Variants in DPYD observed in about 807,000 individuals in gnomAD.
DPYD encodes dihydropyrimidine dehydrogenase [NADP(+)].
Under a neutral mutation model 116.2 loss-of-function variants are expected in DPYD, and 109 were observed. The ratio of observed to expected loss-of-function variants is 0.94; its 90% CI spans 0.80 to 1.10. DPYD has a LOEUF of 1.10. DPYD is among the 50% of genes least tolerant of loss of function. The pLI, the probability that DPYD is intolerant of heterozygous loss-of-function variation, is 0.00. For missense variants in DPYD, 1,302 were observed against 1,254.5 expected (o/e 1.04, Z -0.57); for synonymous variants, 440 against 432.0 (o/e 1.02, Z -0.23).
intron 5 of DPYD, 44 bp downstream of exon 5, chr1:97,721,466 A>G: frequency 2.5e-6 from 4 of 1,606,274 alleles, no homozygotes; most frequent in African/African-American, 1.3e-5. Flanking sequence ...ATATTTGTGC[A>G]TGGTGATGGT....
At chr1:97,704,780 T>C (rs1661822350) in intron 5 of DPYD, among the ~76,000 whole-genome samples, 1 of 152,006 alleles carries the variant, frequency 6.6e-6, no homozygotes, top group Admixed American at 6.6e-5. Context: ...AAATGTCAGT[T>C]GTCCATCAAC....
At position 97,382,401 on chromosome 1, in the gene DPYD, T is replaced by G; in HGVS notation, c.1966A>C (p.Lys656Gln). 1 of 1,594,728 alleles carries G rather than the reference T, an allele frequency of 6.3e-7. No individual in the cohort carries two copies. Among genetic ancestry groups the G allele is most frequent in the Non-Finnish European group, 8.6e-7 (1 of 1,168,698 alleles). Residue 656 changes from lysine (K) to glutamine (Q), a missense_variant, in exon 15 of 23, where the codon AAG (lysine) becomes CAG (glutamine). Coordinates refer to ENST00000370192, the MANE Select transcript of DPYD (RefSeq NM_000110.4). ...NKNDWTELAK[K>Q]SEDSGADALE... ...ACTAAAGTAACCATTACCTCAGACT[T>G]CTTGGCAAGTTCCGTCCAGTCATTT...
intron 7 of DPYD, among the ~76,000 whole-genome samples, chr1:97,679,822 C>T (rs1319672320): frequency 6.6e-6 from 1 of 152,068 alleles, no homozygotes; most frequent in African/African-American, 2.4e-5. Flanking sequence ...AACCTGCTGA[C>T]CAGGGAGGTG....
chr1:97,546,585 AC>A (rs1650884224), intron 12 of DPYD: 2 of 1,608,032 alleles, frequency 1.2e-6, no homozygotes, highest in East Asian at 2.2e-5. Flanking sequence ...CAAAAATAAC[AC>A]ATCCTGTGTA....
At chr1:97,173,469 A>ACATAATGTGTATATATATACACG (rs1657009090) in intron 20 of DPYD, among the ~76,000 whole-genome samples, 1 of 130,050 alleles carries the variant, frequency 7.7e-6, no homozygotes, top group African/African-American at 3.2e-5. Context: ...ATATATACAC[A>ACATAATGTGTATATATATACACG]CATAATGTGT....
chr1:97,222,795 A>G (rs181336151), intron 19 of DPYD, among the ~76,000 whole-genome samples: 2 of 152,248 alleles, frequency 1.3e-5, no homozygotes, highest in East Asian at 3.9e-4. Flanking sequence ...GAAATTGCAT[A>G]ATGGAAAGAA....
intron 3 of DPYD, among the ~76,000 whole-genome samples, chr1:97,821,955 C>T (rs761760507): frequency 6.6e-6 from 1 of 151,790 alleles, no homozygotes; most frequent in African/African-American, 2.4e-5. Flanking sequence ...AATTAATTTA[C>T]CTAAAATTAC....
chr1:97,191,487 G>A (rs1286632091), intron 20 of DPYD, among the ~76,000 whole-genome samples: 3 of 151,998 alleles, frequency 2.0e-5, no homozygotes, highest in Non-Finnish European at 2.9e-5. Flanking sequence ...TTACACTTAC[G>A]ATTTTGATGA....
chr1:97,238,437 T>G (rs531578793), intron 18 of DPYD, among the ~76,000 whole-genome samples: 4 of 152,276 alleles, frequency 2.6e-5, no homozygotes, highest in African/African-American at 9.6e-5. Context: ...TAAGAACGGT[T>G]TCTAGAAGGA....
At chr1:97,129,250 T>C (rs1570509414) in intron 20 of DPYD, among the ~76,000 whole-genome samples, 1 of 151,698 alleles carries the variant, frequency 6.6e-6, no homozygotes, top group South Asian at 2.1e-4. Flanking sequence ...TTTTTTAGTA[T>C]AGACAGGGTT....
At chr1:97,773,949 G>T (rs1037299594) in intron 3 of DPYD, among the ~76,000 whole-genome samples, 2 of 152,190 alleles carry the variant, frequency 1.3e-5, no homozygotes, top group African/African-American at 4.8e-5. Flanking sequence ...TAAGGCAGAA[G>T]GTCTAATTGG....
intron 20 of DPYD, among the ~76,000 whole-genome samples, chr1:97,167,783 T>G (rs1656433591): frequency 6.6e-6 from 1 of 152,178 alleles, no homozygotes; most frequent in African/African-American, 2.4e-5. Flanking sequence ...AATAATTCAC[T>G]TAGTAAAGTA....
chr1:97,289,572 A>G (rs1295297587), intron 18 of DPYD, among the ~76,000 whole-genome samples: 30 of 151,956 alleles, frequency 2.0e-4, no homozygotes, highest in African/African-American at 7.2e-4. Flanking sequence ...TATAAACAGA[A>G]CCAAAGACAA....
At chr1:97,352,651 T>A (rs928337018) in intron 16 of DPYD, among the ~76,000 whole-genome samples, 1 of 152,100 alleles carries the variant, frequency 6.6e-6, no homozygotes, top group African/African-American at 2.4e-5. Flanking sequence ...AAAACTACTC[T>A]GGTTGTTTGA....
chr1:97,322,127 T>A (rs1668321815), intron 16 of DPYD, among the ~76,000 whole-genome samples: 1 of 138,540 alleles, frequency 7.2e-6, no homozygotes, highest in African/African-American at 2.7e-5. Context: ...GAGATATACC[T>A]AATGCTAGAT....
At chr1:97,631,505 C>A (rs1028157456) in intron 8 of DPYD, among the ~76,000 whole-genome samples, 6 of 151,884 alleles carry the variant, frequency 4.0e-5, no homozygotes, top group African/African-American at 7.3e-5. Context: ...TATGTGAACC[C>A]AATCTGAGAA....
intron 1 of DPYD, among the ~76,000 whole-genome samples, chr1:97,893,237 T>C (rs1210638169): frequency 1.3e-5 from 2 of 150,672 alleles, no homozygotes; most frequent in East Asian, 2.0e-4. Context: ...ATAAATAAGG[T>C]AGTACAAAAA....
intron 7 of DPYD, among the ~76,000 whole-genome samples, chr1:97,684,337 G>T (rs1024919793): frequency 3.3e-5 from 5 of 152,080 alleles, no homozygotes; most frequent in African/African-American, 1.2e-4. Context: ...CAATTGCGTG[G>T]TTCTGAGTGA....
chr1:97,659,296 A>G (rs553838671), intron 8 of DPYD, among the ~76,000 whole-genome samples: 1 of 152,298 alleles, frequency 6.6e-6, no homozygotes, highest in African/African-American at 2.4e-5. Context: ...ATGAATATAT[A>G]AATTTGATAT....
Sources: gnomAD v4.1 joint callset for allele counts (sites outside exome capture counted in the v4.1 genomes callset) on GRCh38, gnomAD v4.1.1 for gene constraint, MANE v1.5 for transcripts, NCBI Gene and HGNC (gene_info 2026-07-23, HGNC 2026-07-21) for gene names.